DEPDC4: variants seen among roughly 807,000 people sequenced by gnomAD.
DEPDC4 encodes DEP domain-containing protein 4.
A neutral mutation model predicts 52.0 loss-of-function variants in DEPDC4; 52 were observed. The observed-to-expected ratio is 1.00, with a 90% confidence interval of 0.80 to 1.26. The LOEUF (loss-of-function observed/expected upper bound fraction) is 1.26, where lower values mean the gene tolerates loss of function less well. Ranked by LOEUF, DEPDC4 falls within the 50% of genes most tolerant of loss-of-function variation. The probability of loss-of-function intolerance (pLI) is 0.00; values close to 1 mark genes in which losing one functional copy is unlikely to be tolerated. For synonymous variants in DEPDC4, 201 were observed against 196.8 expected (o/e 1.02, Z -0.18); for missense variants, 530 against 546.9 (o/e 0.97, Z 0.31).
At chr12:100,237,463 C>T (rs1024208299), downstream of DEPDC4, among the ~76,000 whole-genome samples, 5 of 152,172 alleles carry the variant, frequency 3.3e-5, no homozygotes, top group Admixed American at 3.3e-4. Context: ...CCACCTTGGC[C>T]TCCCAAAGTG....
chr12:100,261,986 C>A (rs2153923016), intron 3 of DEPDC4, among the ~76,000 whole-genome samples: 1 of 152,164 alleles, frequency 6.6e-6, no homozygotes, highest in African/African-American at 2.4e-5. Context: ...TTGTACAAAC[C>A]CATAGAATGT....
At chr12:100,256,827 G>A (rs2096235413) in intron 3 of DEPDC4, among the ~76,000 whole-genome samples, 1 of 151,840 alleles carries the variant, frequency 6.6e-6, no homozygotes, top group African/African-American at 2.4e-5. Context: ...GTTTTTAGTA[G>A]AGACGGGGTT....
chr12:100,237,588 G>A (rs1176242095), downstream of DEPDC4, among the ~76,000 whole-genome samples: 1 of 152,126 alleles, frequency 6.6e-6, no homozygotes, highest in East Asian at 1.9e-4. Flanking sequence ...AGACTTCAGA[G>A]CCCATATTCC....
intron 8 of DEPDC4, among the ~76,000 whole-genome samples, chr12:100,247,300 C>G (rs2096190134): frequency 6.7e-6 from 1 of 149,988 alleles, no homozygotes; most frequent in African/African-American, 2.5e-5. Context: ...CCTCCGCCTC[C>G]TGGGTTCAAG....
chr12:100,266,588 T>G (rs1435930749), intron 1 of DEPDC4, among the ~76,000 whole-genome samples: 3 of 152,174 alleles, frequency 2.0e-5, no homozygotes, highest in African/African-American at 7.2e-5. Flanking sequence ...CCAGCAGCAT[T>G]GGTGCCATCT....
chr12:100,251,149 G>A (rs1462046353), intron 7 of DEPDC4, among the ~76,000 whole-genome samples: 1 of 151,958 alleles, frequency 6.6e-6, no homozygotes, highest in African/African-American at 2.4e-5. Context: ...TGTTGCCCAG[G>A]CTAGTTGCAA....
the DEPDC4 span, among the ~76,000 whole-genome samples, chr12:100,276,715 AT>A: frequency 4.6e-5 from 7 of 151,754 alleles, no homozygotes; most frequent in South Asian, 4.2e-4. Flanking sequence ...ACTTCATTGG[AT>A]TTTTTTCCTC....
rs761947648 is a variant in DEPDC4, at chr12:100,256,164, T to C, written c.763A>G (p.Asn255Asp). The change falls in exon 4 of 10, where the codon AAT (asparagine) becomes GAT (aspartate). Residue 255 changes from asparagine to aspartate, a missense_variant. Physicochemically the swap from Asn to Asp is conservative, Grantham distance 23. Transcript: ENST00000550587. ...GTTTTAACTGGAGGCTCCAAAATAT[T>C]GTCCAAGAATGGAAGGTGAATCAAT... ...LQLIHLPFLD[N>D]ILEPPVKTQN... The C allele has an allele frequency of 3.1e-6, 5 of 1,613,132 alleles. No homozygotes were observed. The Admixed American group carries it at 6.7e-5, about 22-fold the overall frequency.
chr12:100,271,337 C>T (rs2096287491), upstream of DEPDC4, among the ~76,000 whole-genome samples: 2 of 148,028 alleles, frequency 1.4e-5, no homozygotes, highest in Non-Finnish European at 3.0e-5. Context: ...CAGGTAAGTA[C>T]TGCATATGGG....
At chr12:100,281,780 G>C in the DEPDC4 span, among the ~76,000 whole-genome samples, 9 of 149,266 alleles carry the variant, frequency 6.0e-5, no homozygotes, top group Non-Finnish European at 1.3e-4. Flanking sequence ...CTTGCAGTGA[G>C]CCAAGTTCAT....
downstream of DEPDC4, among the ~76,000 whole-genome samples, chr12:100,238,582 C>A (rs2096146816): frequency 7.0e-6 from 1 of 143,678 alleles, no homozygotes; most frequent in Non-Finnish European, 1.5e-5. Flanking sequence ...TGCTCCTGGG[C>A]TCAAGTGATC....
At chr12:100,254,192 G>A (rs964151307) in intron 4 of DEPDC4, among the ~76,000 whole-genome samples, 7 of 151,698 alleles carry the variant, frequency 4.6e-5, no homozygotes, top group Admixed American at 3.3e-4. Context: ...CCTGCCCTCC[G>A]GTGACTCCTT....
At chr12:100,238,017 C>T (rs2096144408), downstream of DEPDC4, 3 of 970,082 alleles carry the variant, frequency 3.1e-6, no homozygotes, top group Non-Finnish European at 3.7e-6. Flanking sequence ...AAGGAGACTT[C>T]TATCGAAGAG....
At chr12:100,266,745 C>T (rs1170387385) in intron 1 of DEPDC4, among the ~76,000 whole-genome samples, 175 bp downstream of exon 1, 2 of 152,214 alleles carry the variant, frequency 1.3e-5, no homozygotes, top group Non-Finnish European at 2.9e-5. Context: ...CACAGTAACC[C>T]CTAAAAAGCC....
chr12:100,269,725 T>C (rs912630860), upstream of DEPDC4, among the ~76,000 whole-genome samples: 1 of 152,182 alleles, frequency 6.6e-6, no homozygotes, highest in African/African-American at 2.4e-5. Flanking sequence ...TCCTTACCAC[T>C]GAAGAGTGTG....
At chr12:100,260,689 A>G (rs1436828486) in intron 3 of DEPDC4, among the ~76,000 whole-genome samples, 2 of 150,434 alleles carry the variant, frequency 1.3e-5, no homozygotes, top group African/African-American at 4.9e-5. Context: ...CAGCTTGGCC[A>G]ATATGGCAAA....
At chr12:100,235,366 TTA>T (rs79677221), downstream of DEPDC4, among the ~76,000 whole-genome samples, 3 of 149,696 alleles carry the variant, frequency 2.0e-5, no homozygotes, top group African/African-American at 7.4e-5. Flanking sequence ...TTTTTTTTTT[TTA>T]TTCTCTTTTT....
upstream of DEPDC4, among the ~76,000 whole-genome samples, chr12:100,271,281 A>AG (rs1212318661): frequency 6.4e-3 from 819 of 128,678 alleles, 4 homozygotes; most frequent in Middle Eastern, 0.02. Flanking sequence ...AAAAAAAAAA[A>AG]AGAGAGAGAG....
At chr12:100,269,379 T>G (rs912567564), upstream of DEPDC4, among the ~76,000 whole-genome samples, 1 of 152,120 alleles carries the variant, frequency 6.6e-6, no homozygotes. Flanking sequence ...CAGGGAAGAC[T>G]TTCCTGATTA....
Sources: allele counts gnomAD v4.1 joint callset (sites outside exome capture counted in the v4.1 genomes callset), GRCh38; gene constraint gnomAD v4.1.1; transcripts MANE v1.5; gene names NCBI Gene and HGNC (gene_info 2026-07-23, HGNC 2026-07-21).